The following GRIK1 variants were observed in gnomAD, a reference collection of about 807,000 sequenced individuals.
The protein encoded by GRIK1 is glutamate receptor ionotropic, kainate 1.
A neutral mutation model predicts 105.7 loss-of-function variants in GRIK1; 69 were observed. The ratio of observed to expected loss-of-function variants is 0.65; its 90% CI spans 0.54 to 0.80. The LOEUF (loss-of-function observed/expected upper bound fraction) is 0.80, where lower values mean the gene tolerates loss of function less well. Among genes scored for constraint, GRIK1 ranks in the 30% least tolerant of loss-of-function variants. The pLI is 0.00. For missense variants in GRIK1, 1,109 were observed against 1,167.3 expected, an observed-to-expected ratio of 0.95 and a Z score of 0.73; for synonymous variants, 438 against 431.3, an observed-to-expected ratio of 1.02 and a Z score of -0.19.
chr21:29,676,814 A>G (rs1185414388), intron 3 of GRIK1, among the ~76,000 whole-genome samples: 1 of 152,212 alleles, frequency 6.6e-6, no homozygotes, highest in Non-Finnish European at 1.5e-5. Context: ...ATGGCAAAAG[A>G]AGGCTGAATT....
intron 4 of GRIK1, among the ~76,000 whole-genome samples, chr21:29,667,635 A>G (rs981607993): frequency 2.0e-5 from 3 of 152,180 alleles, no homozygotes; most frequent in Non-Finnish European, 4.4e-5. Flanking sequence ...TTGTTCATGT[A>G]AAGGAGAGGG....
Position 29,721,839 on chromosome 21 carries a change from C to T in GRIK1, c.119-27776G>A, listed in dbSNP as rs2064331446. 3.3e-5 allele frequency among the ~76,000 whole-genome samples: 5 copies of T among 152,144 alleles called. 1 individual carries two copies. Among genetic ancestry groups the T allele is most frequent in the Admixed American group, 3.3e-4 (5 of 15,272 alleles). ...TTCCATCTACCCTTCAATAGCCTCT[C>T]CTGCATCTCGTTACCTCTAAATGTC... On this transcript the variant is annotated intron_variant, in intron 1 of 17. Transcript: ENST00000327783.
At chr21:29,912,714 A>T (rs2070860691) in intron 1 of GRIK1, among the ~76,000 whole-genome samples, 1 of 152,024 alleles carries the variant, frequency 6.6e-6, no homozygotes, top group Non-Finnish European at 1.5e-5. Flanking sequence ...TTCATTGTAG[A>T]CTCACAGGGT....
chr21:29,799,742 C>G (rs1320764677), intron 1 of GRIK1, among the ~76,000 whole-genome samples: 3 of 152,152 alleles, frequency 2.0e-5, no homozygotes, highest in African/African-American at 7.2e-5. Context: ...GTCGGCTAGG[C>G]TGGTCTTGAA....
intron 16 of GRIK1, chr21:29,553,208 T>C: frequency 1.0e-6 from 1 of 991,548 alleles, no homozygotes; most frequent in Non-Finnish European, 1.2e-6. Flanking sequence ...ATTAGCATCG[T>C]GTTTCCATGC....
chr21:29,846,498 A>AAAG, intron 1 of GRIK1, among the ~76,000 whole-genome samples: 4 of 151,516 alleles, frequency 2.6e-5, no homozygotes, highest in African/African-American at 9.7e-5. Context: ...AGAAAGAAAG[A>AAAG]AAGAAAGAAA....
chr21:29,830,341 ACACACACACACACACACACACT>A (rs1375154691), intron 1 of GRIK1, among the ~76,000 whole-genome samples: 2 of 143,152 alleles, frequency 1.4e-5, no homozygotes, highest in Non-Finnish European at 3.1e-5. Flanking sequence ...ACACACACAC[ACACACACACACACACACACACT>A]CACACACATA....
intron 14 of GRIK1, among the ~76,000 whole-genome samples, chr21:29,575,287 C>A (rs2090863175): frequency 6.6e-6 from 1 of 151,236 alleles, no homozygotes; most frequent in African/African-American, 2.4e-5. Flanking sequence ...ACAGTCCACT[C>A]AAAAAATAAT....
chr21:29,849,930 G>GT (rs1185191974), intron 1 of GRIK1, among the ~76,000 whole-genome samples: 24 of 152,156 alleles, frequency 1.6e-4, no homozygotes, highest in African/African-American at 5.1e-4. Context: ...GAACCCAACA[G>GT]TGGATGGCCC....
intron 1 of GRIK1, among the ~76,000 whole-genome samples, chr21:29,697,712 G>T (rs78351841): frequency 3.4e-4 from 52 of 152,158 alleles, no homozygotes; most frequent in African/African-American, 1.2e-3. Context: ...TTAACGATCA[G>T]CCACTTCCTC....
intron 3 of GRIK1, 99 bp from the exon 4 acceptor site, chr21:29,673,263 C>T: frequency 1.5e-6 from 1 of 688,896 alleles, no homozygotes. Flanking sequence ...AAAACATACC[C>T]AGTGGCCACC....
At chr21:29,866,061 G>C (rs1490391576) in intron 1 of GRIK1, among the ~76,000 whole-genome samples, 1 of 151,728 alleles carries the variant, frequency 6.6e-6, no homozygotes, top group African/African-American at 2.4e-5. Flanking sequence ...TACCAAAAGA[G>C]TTTTTACTTT....
intron 7 of GRIK1, among the ~76,000 whole-genome samples, chr21:29,625,434 C>A (rs2062103097): frequency 1.3e-5 from 2 of 152,070 alleles, no homozygotes; most frequent in African/African-American, 4.8e-5. Context: ...TCTGCTGATA[C>A]CATTTAACCT....
chr21:29,598,372 C>T (rs2061455456), intron 8 of GRIK1, among the ~76,000 whole-genome samples: 1 of 152,202 alleles, frequency 6.6e-6, no homozygotes, highest in Non-Finnish European at 1.5e-5. Context: ...CAGTAAGTCT[C>T]TTCTATCCTA....
intron 7 of GRIK1, among the ~76,000 whole-genome samples, chr21:29,641,808 G>T (rs2062516700): frequency 6.6e-6 from 1 of 152,122 alleles, no homozygotes; most frequent in East Asian, 1.9e-4. Context: ...ATGGATCAGA[G>T]TCAGCCTTTA....
chr21:29,925,657 C>A (rs1276480500), intron 1 of GRIK1, among the ~76,000 whole-genome samples: 1 of 152,160 alleles, frequency 6.6e-6, no homozygotes, highest in African/African-American at 2.4e-5. Context: ...AATAGTACAG[C>A]AAACTTAGCA....
At chr21:29,564,997 A>G (rs762474120) in intron 14 of GRIK1, among the ~76,000 whole-genome samples, 1 of 152,226 alleles carries the variant, frequency 6.6e-6, no homozygotes, top group Non-Finnish European at 1.5e-5. Context: ...TTCTTGGAGT[A>G]GAAGGTTGTT....
intron 1 of GRIK1, among the ~76,000 whole-genome samples, chr21:29,790,042 T>TTTA (rs1361018103): frequency 6.6e-6 from 1 of 152,156 alleles, no homozygotes; most frequent in African/African-American, 2.4e-5. Context: ...TTAATATTTA[T>TTTA]TTATTTATCT....
intron 1 of GRIK1, among the ~76,000 whole-genome samples, chr21:29,762,941 T>A (rs1161693159): frequency 6.6e-6 from 1 of 152,252 alleles, no homozygotes; most frequent in East Asian, 1.9e-4. Flanking sequence ...GAGAAAACGA[T>A]GTAAAGCCAG....
Sources: allele counts gnomAD v4.1 joint callset (sites outside exome capture counted in the v4.1 genomes callset), GRCh38; gene constraint gnomAD v4.1.1; transcripts MANE v1.5; gene names NCBI Gene and HGNC (gene_info 2026-07-23, HGNC 2026-07-21).